ABCC4: variants seen among roughly 807,000 people sequenced by gnomAD.
ABCC4 encodes ATP binding cassette subfamily C member 4 (PEL blood group).
ABCC4 carries 102 observed loss-of-function variants against 168.5 expected under a neutral mutation model. The ratio of observed to expected loss-of-function variants is 0.61; its 90% CI spans 0.52 to 0.71. The LOEUF (loss-of-function observed/expected upper bound fraction) is 0.71, where lower values mean the gene tolerates loss of function less well. Ranked by LOEUF, ABCC4 falls within the 30% of genes least tolerant of loss-of-function variation. The pLI is 0.00. For synonymous variants in ABCC4, 617 were observed against 590.7 expected (o/e 1.04, Z -0.65); for missense variants, 1,402 against 1,605.8 (o/e 0.87, Z 2.17).
intron 27 of ABCC4, among the ~76,000 whole-genome samples, chr13:95,052,489 T>C (rs2032884485): frequency 6.6e-6 from 1 of 152,130 alleles, no homozygotes; most frequent in African/African-American, 2.4e-5. Flanking sequence ...TTTCAAGAAG[T>C]GGCCCAACAG....
chr13:95,024,099 C>A (rs1468471283), intron 30 of ABCC4, among the ~76,000 whole-genome samples: 3 of 150,094 alleles, frequency 2.0e-5, no homozygotes, highest in Non-Finnish European at 4.4e-5. Flanking sequence ...CCCAGCTACT[C>A]GGGAGGCTGA....
At position 95,301,326 on chromosome 13, in the gene ABCC4, G is replaced by A; in HGVS notation, c.-12C>T. On this transcript the variant is annotated 5_prime_UTR_variant, in exon 1 of 31. Transcript: ENST00000645237. ...TACACGGGCAGCATCTTGCCGGGCG[G>A]GGCGGGCGCGGGCCGGGGTCGCGCT... 2 of 1,577,964 alleles carry A rather than the reference G, an allele frequency of 1.3e-6. No homozygotes were observed. The highest frequency in any genetic ancestry group is 1.7e-6 in the Non-Finnish European group (2 of 1,163,730).
intron 27 of ABCC4, among the ~76,000 whole-genome samples, chr13:95,049,689 G>A (rs1005022423): frequency 1.3e-5 from 2 of 151,742 alleles, no homozygotes; most frequent in Non-Finnish European, 2.9e-5. Context: ...AAATAACCAA[G>A]ATGACACAAC....
intron 20 of ABCC4, among the ~76,000 whole-genome samples, chr13:95,088,144 G>A (rs2034317125): frequency 6.6e-6 from 1 of 152,168 alleles, no homozygotes; most frequent in Non-Finnish European, 1.5e-5. Flanking sequence ...GCAATGTGGT[G>A]CACCTCTCCC....
intron 19 of ABCC4, among the ~76,000 whole-genome samples, chr13:95,128,726 T>C (rs1420917568): frequency 2.0e-5 from 3 of 152,192 alleles, no homozygotes; most frequent in Non-Finnish European, 4.4e-5. Context: ...TCCGTACAAG[T>C]TGTCAATCCA....
At chr13:95,245,365 C>A (rs1242531674) in intron 3 of ABCC4, among the ~76,000 whole-genome samples, 1 of 152,234 alleles carries the variant, frequency 6.6e-6, no homozygotes, top group Non-Finnish European at 1.5e-5. Flanking sequence ...CTTACAGAGG[C>A]TCCATGGCTA....
intron 1 of ABCC4, 59 bp downstream of exon 1, chr13:95,301,182 A>G: frequency 2.0e-6 from 3 of 1,488,690 alleles, no homozygotes; most frequent in Non-Finnish European, 2.7e-6. Flanking sequence ...CGGCCCCGGG[A>G]GAGTGCGTCC....
rs535868888 is a variant in ABCC4, at chr13:95,173,584, G to A, written c.1728-2956C>T. On this transcript the variant is annotated intron_variant, in intron 13 of 30. Coordinates refer to ENST00000645237, the MANE Select transcript of ABCC4 (RefSeq NM_005845.5). The stretch of plus-strand genomic sequence containing the variant: ...CCCCAAAGAAGTGTGCATGGCTGGA[G>A]GACTGGTCTTGCATGGCAAGGGTTG... Among the ~76,000 whole-genome samples, 9 of 152,334 alleles carry A rather than the reference G, an allele frequency of 5.9e-5. 1 individual carries two copies. The South Asian group carries it at 1.7e-3, about 28-fold the overall frequency.
intron 1 of ABCC4, among the ~76,000 whole-genome samples, chr13:95,263,792 C>T (rs1594404462): frequency 1.3e-5 from 2 of 150,750 alleles, no homozygotes; most frequent in Admixed American, 1.3e-4. Context: ...CACTGTACTT[C>T]AGCCTGGGTA....
At chr13:95,120,310 T>C (rs779885041) in intron 19 of ABCC4, among the ~76,000 whole-genome samples, 3 of 152,158 alleles carry the variant, frequency 2.0e-5, no homozygotes, top group Non-Finnish European at 4.4e-5. Flanking sequence ...CTCATGCCTA[T>C]AATCCCAGCA....
chr13:95,134,595 C>G (rs1265040777), intron 19 of ABCC4, among the ~76,000 whole-genome samples: 1 of 152,112 alleles, frequency 6.6e-6, no homozygotes, highest in East Asian at 1.9e-4. Flanking sequence ...TGGCACACAC[C>G]TGTAATCCCA....
chr13:95,099,353 T>C (rs74105424), intron 20 of ABCC4, among the ~76,000 whole-genome samples: 3,450 of 152,256 alleles, frequency 0.023, 121 homozygotes, highest in African/African-American at 0.077. Flanking sequence ...GAAAATTGAC[T>C]GCAGAGGAGC....
chr13:95,296,249 C>G (rs1450867842), intron 1 of ABCC4, among the ~76,000 whole-genome samples: 1 of 151,500 alleles, frequency 6.6e-6, no homozygotes, highest in Non-Finnish European at 1.5e-5. Context: ...TTGGGAAAAC[C>G]AAGGCAGGAG....
intron 3 of ABCC4, among the ~76,000 whole-genome samples, chr13:95,238,301 C>A (rs758961277): frequency 7.9e-5 from 12 of 151,186 alleles, no homozygotes; most frequent in Non-Finnish European, 1.2e-4. Context: ...GAAATAATAA[C>A]CATTAAGACT....
intron 8 of ABCC4, among the ~76,000 whole-genome samples, chr13:95,203,610 G>A (rs2038694537): frequency 6.6e-6 from 1 of 151,858 alleles, no homozygotes; most frequent in Non-Finnish European, 1.5e-5. Flanking sequence ...CGCTCACCTC[G>A]GCCTCCCAAA....
Position 95,177,692 on chromosome 13 carries a change from C to A in ABCC4, c.1727+15G>T, listed in dbSNP as rs2037751937. 1 of 1,598,322 alleles carries A rather than the reference C, an allele frequency of 6.3e-7. No homozygotes were observed. On this transcript the variant is annotated intron_variant, in intron 13 of 30. Coordinates refer to ENST00000645237, the MANE Select transcript of ABCC4 (RefSeq NM_005845.5). ...CTGGAAAAGCAGAAATGACTTAAGA[C>A]ACAAACACACTCACAGTTCGAACAA... is the stretch of plus-strand genomic sequence containing the variant.
chr13:95,270,209 T>C (rs1277244344), intron 1 of ABCC4, among the ~76,000 whole-genome samples: 1 of 152,086 alleles, frequency 6.6e-6, no homozygotes, highest in African/African-American at 2.4e-5. Flanking sequence ...AGTTGGAAAT[T>C]AAATTAATAT....
rs1678339 is a variant in ABCC4, at chr13:95,075,526, T to C, written c.2712A>G (p.Leu904=). Residue 904 remains leucine, a synonymous_variant, in exon 22 of 31, where the codon TTA becomes TTG. Transcript: ENST00000645237. The stretch of plus-strand genomic sequence containing the variant: ...TCCAGAGCCCCTGGAGAGAAGATGA[T>C]AAGTGGGAAAACACTGGACTCCGAG... ...STTRSPVFSH[L]SSSLQGLWTI... 0.94 allele frequency: 1,525,111 copies of C among 1,613,966 alleles called. 722,004 individuals are homozygous for C. The highest frequency in any genetic ancestry group is 0.96 in the Non-Finnish European group (1,131,506 of 1,179,968).
intron 8 of ABCC4, among the ~76,000 whole-genome samples, chr13:95,204,543 C>T (rs563832109): frequency 9.6e-4 from 146 of 152,230 alleles, no homozygotes; most frequent in Non-Finnish European, 1.7e-3. Flanking sequence ...TTCCTGCCAC[C>T]CTGTGAAGAA....
Sources: allele counts gnomAD v4.1 joint callset (sites outside exome capture counted in the v4.1 genomes callset), GRCh38; gene constraint gnomAD v4.1.1; transcripts MANE v1.5; gene names NCBI Gene and HGNC (gene_info 2026-07-23, HGNC 2026-07-21).